MIGA1: variants seen among roughly 807,000 people sequenced by gnomAD.
MIGA1 encodes the protein family with sequence similarity 73, member A.
MIGA1 carries 58 observed loss-of-function variants against 82.0 expected under a neutral mutation model. The observed-to-expected ratio is 0.71, with a 90% CI of 0.57 to 0.88. The LOEUF (loss-of-function observed/expected upper bound fraction) is 0.88, where lower values mean the gene tolerates loss of function less well. Ranked by LOEUF, MIGA1 falls within the 40% of genes least tolerant of loss-of-function variation. The pLI, the probability that MIGA1 is intolerant of heterozygous loss-of-function variation, is 0.00. For synonymous variants in MIGA1, 249 were observed against 253.6 expected (o/e 0.98, Z 0.17); for missense variants, 751 against 749.1 (o/e 1.00, Z -0.03).
At chr1:77,867,388 G>A (rs543530319) in intron 14 of MIGA1, among the ~76,000 whole-genome samples, 24 of 152,310 alleles carry the variant, frequency 1.6e-4, no homozygotes, top group Non-Finnish European at 2.9e-5. Context: ...GCCGTGGCAT[G>A]ATCATAGCTC....
chr1:77,823,054 G>A (rs1359301999), intron 7 of MIGA1, among the ~76,000 whole-genome samples: 1 of 151,302 alleles, frequency 6.6e-6, no homozygotes, highest in Non-Finnish European at 1.5e-5. Context: ...CGTTGACCAG[G>A]CTGGTCTCGA....
At chr1:77,813,180 C>A (rs1170493999) in intron 5 of MIGA1, among the ~76,000 whole-genome samples, 2 of 152,046 alleles carry the variant, frequency 1.3e-5, no homozygotes. Context: ...TGGGGTTTTA[C>A]CATGTTGGCC....
rs751915558 is a variant in MIGA1 at position 77,813,836 on chromosome 1, C to A, written c.740C>A (p.Ala247Glu). ...GCCTGTGGTTCCATTAAACTGGGTG[C>A]AGGAGATGCCATTGCTGAAGAAAAT... Residue 247 changes from alanine (A) to glutamate (E), a missense_variant, in exon 6 of 16, where the codon GCA becomes GAA. This residue lies in a region of MIGA1 where 482 missense variants were observed against 439.4 expected (regional missense o/e 1.10). Transcript: ENST00000370791. The A allele has an allele frequency of 1.9e-6, 3 of 1,614,102 alleles. No individual in the cohort carries two copies. The Admixed American group carries it at 5.0e-5, about 27-fold the overall frequency.
chr1:77,813,967 C>A (rs1361052053), intron 6 of MIGA1, 100 bp downstream of exon 6: 2 of 1,286,098 alleles, frequency 1.6e-6, no homozygotes, highest in African/African-American at 1.5e-5. Context: ...GTTACCCAGG[C>A]TGAGTCTTGA....
intron 8 of MIGA1, among the ~76,000 whole-genome samples, chr1:77,850,908 C>T: frequency 6.6e-6 from 1 of 150,778 alleles, no homozygotes; most frequent in Non-Finnish European, 1.5e-5. Flanking sequence ...TTGCTCTTGT[C>T]ACCCAGGCTG....
At chr1:77,846,944 A>G (rs1684865988) in intron 8 of MIGA1, among the ~76,000 whole-genome samples, 1 of 152,102 alleles carries the variant, frequency 6.6e-6, no homozygotes, top group Non-Finnish European at 1.5e-5. Context: ...GACTGTCTCA[A>G]AAAATAAAAT....
At chr1:77,826,037 C>G (rs1570965639) in intron 7 of MIGA1, among the ~76,000 whole-genome samples, 1 of 152,188 alleles carries the variant, frequency 6.6e-6, no homozygotes, top group African/African-American at 2.4e-5. Context: ...ATGGTAAACA[C>G]TTATCTATTC....
Position 77,843,360 on chromosome 1 carries a change from G to A in MIGA1, c.949G>A (p.Asp317Asn), listed in dbSNP as rs1190699559. ...TAATGTGGAAGACTTTGGCCTGCGA[G>A]ACACCTTGAGCATCGCATCCACGGA... The change falls in exon 8 of 16, where the codon GAC becomes AAC. Residue 317 changes from aspartate (D) to asparagine (N), a missense_variant. Around this residue, in one of 3 missense-constraint regions of MIGA1, gnomAD observed 482 missense variants for 439.4 expected, o/e 1.10. Coordinates refer to ENST00000370791, the MANE Select transcript of MIGA1 (RefSeq NM_198549.4). The A allele has an allele frequency of 6.2e-7, 1 of 1,614,086 alleles. No individual in the cohort carries two copies. Among genetic ancestry groups the A allele is most frequent in the Admixed American group, 1.7e-5 (1 of 60,036 alleles).
rs753945053 is a variant in MIGA1, at chr1:77,779,713, G to C, written c.58G>C (p.Ala20Pro). 13 of 1,582,940 alleles carry C rather than the reference G, an allele frequency of 8.2e-6. 2 individuals carry two copies. In the South Asian group the frequency reaches 1.5e-4, roughly 18 times the overall value. ...CTGGGAAGCTGGCGTGGGCAGGCCA[G>C]CTGTACCTGGCCTGGAGCTCCAGGT... Residue 20 changes from alanine to proline, a missense_variant, in exon 1 of 16, where the codon GCT becomes CCT. Physicochemically the swap from Ala to Pro is conservative, Grantham distance 27. Transcript: ENST00000370791.
intron 8 of MIGA1, among the ~76,000 whole-genome samples, chr1:77,844,113 A>AAAAAAAT (rs1296124524): frequency 2.1e-4 from 19 of 90,132 alleles, no homozygotes; most frequent in African/African-American, 5.0e-4. Context: ...AAAAAAAAAA[A>AAAAAAAT]ATATATATAT....
intron 2 of MIGA1, among the ~76,000 whole-genome samples, chr1:77,789,802 C>T (rs1682341290): frequency 2.0e-5 from 3 of 151,688 alleles, no homozygotes; most frequent in African/African-American, 7.3e-5. Flanking sequence ...TTTCCTGCTC[C>T]ATACCTAGAA....
chr1:77,850,275 A>G (rs1201232541), intron 8 of MIGA1, among the ~76,000 whole-genome samples: 1 of 152,228 alleles, frequency 6.6e-6, no homozygotes, highest in East Asian at 1.9e-4. Context: ...ACCTATCCTC[A>G]GAAATCTCAT....
At chr1:77,860,187 C>A in intron 11 of MIGA1, 61 bp downstream of exon 11, 1 of 1,205,902 alleles carries the variant, frequency 8.3e-7, no homozygotes, top group Non-Finnish European at 1.2e-6. Flanking sequence ...ACCCTTTGAA[C>A]TGAAGATTAA....
chr1:77,867,956 T>TA (rs1366062947), intron 14 of MIGA1, among the ~76,000 whole-genome samples: 1 of 152,148 alleles, frequency 6.6e-6, no homozygotes, highest in Non-Finnish European at 1.5e-5. Flanking sequence ...ACGTTAGGAC[T>TA]AGGAACAGAC....
intron 8 of MIGA1, chr1:77,853,763 T>C: frequency 3.1e-6 from 1 of 322,420 alleles, no homozygotes; most frequent in Non-Finnish European, 6.0e-6. Context: ...AGGAAAAGTA[T>C]TGCAAGCAAC....
chr1:77,829,231 G>A (rs1225183279), intron 7 of MIGA1, among the ~76,000 whole-genome samples: 1 of 152,068 alleles, frequency 6.6e-6, no homozygotes, highest in Non-Finnish European at 1.5e-5. Context: ...ACCAGCCTGG[G>A]CAATGTAGTA....
intron 8 of MIGA1, among the ~76,000 whole-genome samples, chr1:77,844,151 G>T (rs866189656): frequency 6.4e-4 from 86 of 134,390 alleles, no homozygotes; most frequent in African/African-American, 1.7e-3. Flanking sequence ...TAGATAGATA[G>T]ATAGATAGAT....
chr1:77,838,262 A>G (rs1684502435), intron 7 of MIGA1, among the ~76,000 whole-genome samples: 2 of 152,188 alleles, frequency 1.3e-5, no homozygotes, highest in South Asian at 4.1e-4. Context: ...CTCTTCTTGT[A>G]ATCCCTTCCA....
Position 77,874,948 on chromosome 1 carries a change from C to T in MIGA1, c.1783C>T (p.Arg595Cys), listed in dbSNP as rs376057702. The T allele has an allele frequency of 6.6e-5, 106 of 1,613,930 alleles. No individual in the cohort carries two copies. The highest frequency in any genetic ancestry group is 8.2e-5 in the Non-Finnish European group (97 of 1,179,990). ...AGACCTCATGCAGTTACTCATTCGCCGCACTGAGCTTTTAATGGCCTATCT... is the reference window on the plus strand; with the variant it reads ...AGACCTCATGCAGTTACTCATTCGCTGCACTGAGCTTTTAATGGCCTATCT... The change falls in exon 16 of 16, where the codon CGC becomes TGC. Residue 595 changes from arginine to cysteine, a missense_variant. Arg to Cys is a radical substitution (Grantham distance 180, BLOSUM62 -3). Around this residue, in one of 3 missense-constraint regions of MIGA1, gnomAD observed 265 missense variants for 293.6 expected, o/e 0.90. Coordinates refer to ENST00000370791, the MANE Select transcript of MIGA1 (RefSeq NM_198549.4).
Sources: allele counts gnomAD v4.1 joint callset (sites outside exome capture counted in the v4.1 genomes callset), GRCh38; gene constraint gnomAD v4.1.1; regional missense constraint gnomAD v4.1.1; transcripts MANE v1.5; gene names NCBI Gene and HGNC (gene_info 2026-07-23, HGNC 2026-07-21).